FBN1: variants seen among roughly 807,000 people sequenced by gnomAD.
FBN1 encodes the protein fibrillin-1.
FBN1 carries 29 observed loss-of-function variants against 365.1 expected under a neutral mutation model. That is an observed-to-expected ratio of 0.08 (90% confidence interval 0.06 to 0.11). FBN1 has a LOEUF of 0.11. Ranked by LOEUF, FBN1 falls within the 10% of genes least tolerant of loss-of-function variation. The pLI is 1.00. For missense variants in FBN1, 2,476 were observed against 3,703.2 expected, an observed-to-expected ratio of 0.67 and a Z score of 8.60; for synonymous variants, 1,210 against 1,270.5, an observed-to-expected ratio of 0.95 and a Z score of 1.01.
intron 49 of FBN1, among the ~76,000 whole-genome samples, chr15:48,442,061 G>A (rs1183209885): frequency 6.6e-6 from 1 of 152,222 alleles, no homozygotes; most frequent in Non-Finnish European, 1.5e-5. Context: ...AAAATGGAAT[G>A]TGCAACTGCC....
chr15:48,620,787 C>A (rs1350633360), intron 2 of FBN1, among the ~76,000 whole-genome samples: 3 of 152,066 alleles, frequency 2.0e-5, no homozygotes, highest in Non-Finnish European at 2.9e-5. Context: ...ATAAAACTGA[C>A]CAAGAAGAGC....
chr15:48,531,216 A>C (rs1373397515), intron 8 of FBN1, among the ~76,000 whole-genome samples: 1 of 152,224 alleles, frequency 6.6e-6, no homozygotes, highest in Non-Finnish European at 1.5e-5. Context: ...TTACATTTCA[A>C]AATGTCCTCC....
chr15:48,437,992 A>C, intron 50 of FBN1, 75 bp from the exon 51 acceptor site: 1 of 1,465,080 alleles, frequency 6.8e-7, no homozygotes, highest in Non-Finnish European at 9.6e-7. Context: ...AATAAAGAAC[A>C]ACCCACTATG....
At chr15:48,573,067 C>A (rs1377658999) in intron 6 of FBN1, among the ~76,000 whole-genome samples, 3 of 152,116 alleles carry the variant, frequency 2.0e-5, no homozygotes, top group African/African-American at 7.2e-5. Flanking sequence ...TGGGAAAGAC[C>A]AGCTCATGGG....
chr15:48,515,452 G>C lies in FBN1; in HGVS notation c.1403C>G (p.Thr468Ser). The C allele has an allele frequency of 6.2e-7, 1 of 1,614,084 alleles. No individual in the cohort carries two copies. Among genetic ancestry groups the C allele is most frequent in the Non-Finnish European group, 8.5e-7 (1 of 1,179,946 alleles). ...YLCQNGRCIP[T>S]PGSYRCECNK... ...GCACTCACACCGGTAACTCCCAGGA[G>C]TTGGAATGCAGCGTCCATTTTGACA... The change falls in exon 12 of 66, where the codon ACT (threonine) becomes AGT (serine). Residue 468 changes from threonine to serine, a missense_variant. By Grantham distance (58) the Thr-to-Ser change is moderately conservative. Coordinates refer to ENST00000316623, the MANE Select transcript of FBN1 (RefSeq NM_000138.5).
intron 28 of FBN1, 49 bp downstream of exon 28, chr15:48,487,263 A>G (rs779898233): frequency 1.2e-6 from 2 of 1,614,196 alleles, no homozygotes; most frequent in South Asian, 1.1e-5. Context: ...CAATGATGTC[A>G]TTCAAACAAC....
Position 48,437,416 on chromosome 15 carries a change from G to A in FBN1, c.6314-29C>T, listed in dbSNP as rs757311731. Reference sequence around the variant, plus strand: ...TGGTGGAGACACTCATTAATAGATAGAACAATAGCAATTCATTACAAGCTT... The same window carrying A: ...TGGTGGAGACACTCATTAATAGATAAAACAATAGCAATTCATTACAAGCTT... On this transcript the variant is annotated intron_variant, in intron 51 of 65. Coordinates refer to ENST00000316623, the MANE Select transcript of FBN1 (RefSeq NM_000138.5). The A allele has an allele frequency of 1.7e-5, 26 of 1,553,558 alleles. No homozygotes were observed. In the East Asian group the frequency reaches 5.8e-4, roughly 35 times the overall value.
intron 2 of FBN1, among the ~76,000 whole-genome samples, chr15:48,617,961 CAT>C (rs1200359349): frequency 6.6e-5 from 10 of 152,170 alleles, no homozygotes; most frequent in Admixed American, 6.5e-5. Context: ...GCTCTTATTT[CAT>C]ATATGTTAGT....
intron 48 of FBN1, 36 bp from the exon 49 acceptor site, chr15:48,444,696 C>A: frequency 6.2e-7 from 1 of 1,610,948 alleles, no homozygotes; most frequent in South Asian, 1.1e-5. Context: ...AAGAGGTTCC[C>A]ACTGGCATGA....
intron 36 of FBN1, 25 bp from the exon 37 acceptor site, chr15:48,468,559 A>T (rs766111566): frequency 1.2e-6 from 2 of 1,613,712 alleles, no homozygotes; most frequent in East Asian, 4.5e-5. Flanking sequence ...TGAGTAGTGG[A>T]GTTATCACCT....
chr15:48,469,026 C>A (rs191415586), intron 36 of FBN1, among the ~76,000 whole-genome samples: 65 of 131,242 alleles, frequency 5.0e-4, no homozygotes, highest in African/African-American at 1.8e-3. Context: ...CAAGATGGTA[C>A]CACTGTACTC....
intron 4 of FBN1, among the ~76,000 whole-genome samples, chr15:48,607,759 TAG>T (rs1223819966): frequency 2.0e-5 from 3 of 152,238 alleles, no homozygotes; most frequent in East Asian, 1.9e-4. Context: ...TGTAAAGTTA[TAG>T]AGTTTATTAA....
At chr15:48,442,438 G>A (rs942401610) in intron 49 of FBN1, among the ~76,000 whole-genome samples, 1 of 152,204 alleles carries the variant, frequency 6.6e-6, no homozygotes, top group Admixed American at 6.5e-5. Flanking sequence ...CTCCTGATTT[G>A]TGGGTTAATC....
At chr15:48,628,752 G>A (rs1334493397) in intron 2 of FBN1, among the ~76,000 whole-genome samples, 1 of 152,174 alleles carries the variant, frequency 6.6e-6, no homozygotes, top group Admixed American at 6.5e-5. Flanking sequence ...GCATTAGTAA[G>A]TCAATAGGAA....
At chr15:48,501,750 C>T (rs1272928548) in intron 17 of FBN1, among the ~76,000 whole-genome samples, 1 of 152,078 alleles carries the variant, frequency 6.6e-6, no homozygotes, top group Non-Finnish European at 1.5e-5. Context: ...CTCTTGTGTG[C>T]CAGCTTTCAT....
chr15:48,558,989 T>G (rs2044203418), intron 6 of FBN1, among the ~76,000 whole-genome samples: 1 of 152,168 alleles, frequency 6.6e-6, no homozygotes. Context: ...GAACAAGAAG[T>G]GCCGATTATC....
intron 2 of FBN1, among the ~76,000 whole-genome samples, chr15:48,619,718 A>G (rs75482156): frequency 6.6e-6 from 1 of 151,696 alleles, no homozygotes; most frequent in African/African-American, 2.4e-5. Flanking sequence ...TTTTTTACCA[A>G]CCCAAAGGTT....
At chr15:48,422,847 T>C (rs2042953728) in intron 60 of FBN1, among the ~76,000 whole-genome samples, 1 of 151,960 alleles carries the variant, frequency 6.6e-6, no homozygotes, top group Admixed American at 6.6e-5. Context: ...TAATCCCAGC[T>C]ACCTGGGAGG....
chr15:48,469,033 A>C (rs1027104135), intron 36 of FBN1, among the ~76,000 whole-genome samples: 1 of 144,434 alleles, frequency 6.9e-6, no homozygotes, highest in Non-Finnish European at 1.5e-5. Context: ...GTACCACTGT[A>C]CTCCAGCCTG....
Sources: allele counts gnomAD v4.1 joint callset (sites outside exome capture counted in the v4.1 genomes callset), GRCh38; gene constraint gnomAD v4.1.1; transcripts MANE v1.5; gene names NCBI Gene and HGNC (gene_info 2026-07-23, HGNC 2026-07-21).